Variants in BARD1 observed in about 807,000 individuals in gnomAD.
The protein encoded by BARD1 is BRCA1 associated RING domain 1, also known as BRCA1-associated RING domain protein 1.
In BARD1, 73 loss-of-function variants were observed where a neutral mutation model predicts 77.0. That is an observed-to-expected ratio of 0.95 (90% CI 0.79 to 1.15). BARD1 has a LOEUF of 1.15. Ranked by LOEUF, BARD1 falls within the 50% of genes most tolerant of loss-of-function variation. BARD1 has a pLI of 0.00. For missense variants in BARD1, 993 were observed against 938.8 expected (o/e 1.06, Z -0.75); for synonymous variants, 384 against 338.0 (o/e 1.14, Z -1.49).
At chr2:214,807,351 T>C (rs1378133608) in intron 1 of BARD1, among the ~76,000 whole-genome samples, 1 of 152,186 alleles carries the variant, frequency 6.6e-6, no homozygotes, top group Non-Finnish European at 1.5e-5. Flanking sequence ...AGTTAGAAAC[T>C]GGAAAAATAT....
intron 4 of BARD1, among the ~76,000 whole-genome samples, chr2:214,775,704 C>A (rs1694708631): frequency 6.6e-6 from 1 of 152,124 alleles, no homozygotes; most frequent in Admixed American, 6.6e-5. Flanking sequence ...ATGAGGTATG[C>A]CTGTAATTTA....
In BARD1 at chr2:214,752,537, C is replaced by A; in HGVS notation, c.1587G>T (p.Arg529=). ...SRNAVNIFGL[R]PVDYTDDESM... ...TTTCATCATCTGTATAATCGACAGG[C>A]CGCAGACCAAATATATTACTGGTAA... The change falls in exon 7 of 11, where the codon CGG becomes CGT. Residue 529 remains arginine, a synonymous_variant. Coordinates refer to ENST00000260947, the MANE Select transcript of BARD1 (RefSeq NM_000465.4). 1.2e-6 allele frequency: 2 copies of A among 1,613,500 alleles called. No homozygotes were observed. The highest frequency in any genetic ancestry group is 8.5e-7 in the Non-Finnish European group (1 of 1,179,580).
At chr2:214,733,036 G>C (rs548507607) in intron 9 of BARD1, among the ~76,000 whole-genome samples, 142 of 152,250 alleles carry the variant, frequency 9.3e-4, no homozygotes, top group African/African-American at 3.1e-3. Context: ...AACTTACGAG[G>C]TAGAAAAGAC....
At chr2:214,739,241 C>A (rs1692703134) in intron 9 of BARD1, among the ~76,000 whole-genome samples, 2 of 150,812 alleles carry the variant, frequency 1.3e-5, no homozygotes, top group South Asian at 2.1e-4. Flanking sequence ...TACAAAATAT[C>A]CTAAAAAAAA....
At chr2:214,742,061 T>C (rs1692860842) in intron 9 of BARD1, among the ~76,000 whole-genome samples, 1 of 152,218 alleles carries the variant, frequency 6.6e-6, no homozygotes, top group South Asian at 2.1e-4. Flanking sequence ...AGTTTCCTAA[T>C]AGTTAATCCT....
At chr2:214,751,424 A>C (rs778284747) in intron 7 of BARD1, among the ~76,000 whole-genome samples, 1 of 151,396 alleles carries the variant, frequency 6.6e-6, no homozygotes, top group Non-Finnish European at 1.5e-5. Flanking sequence ...CAGCCTCCCA[A>C]AGTGCTGGGA....
At chr2:214,744,082 G>A (rs1445679463) in intron 9 of BARD1, among the ~76,000 whole-genome samples, 1 of 152,132 alleles carries the variant, frequency 6.6e-6, no homozygotes, top group Admixed American at 6.5e-5. Flanking sequence ...AAGTAGATAT[G>A]TTAACTATTA....
rs557941690 is a variant in BARD1 at position 214,796,042 on chromosome 2, C to T, written c.215+1019G>A. Among the ~76,000 whole-genome samples the T allele has an allele frequency of 1.4e-4, 21 of 152,246 alleles. No individual in the cohort carries two copies. In the South Asian group the frequency reaches 2.1e-3, roughly 15 times the overall value. Reference sequence around the variant, plus strand: ...ATACACAAGGTTATTTTCATATATGCTCAAATTTCCGAATGTATTTGTTCA... The same window carrying T: ...ATACACAAGGTTATTTTCATATATGTTCAAATTTCCGAATGTATTTGTTCA... On this transcript the variant is annotated intron_variant, in intron 2 of 10. Coordinates refer to ENST00000260947, the MANE Select transcript of BARD1 (RefSeq NM_000465.4).
At chr2:214,752,720 A>G (rs1693516688) in intron 6 of BARD1, among the ~76,000 whole-genome samples, 165 bp from the exon 7 acceptor site, 1 of 152,200 alleles carries the variant, frequency 6.6e-6, no homozygotes, top group Non-Finnish European at 1.5e-5. Flanking sequence ...AGGAGAAATG[A>G]TGTAAAATTT....
chr2:214,745,014 A>G, intron 9 of BARD1, 53 bp downstream of exon 9: 1 of 1,498,904 alleles, frequency 6.7e-7, no homozygotes, highest in Non-Finnish European at 9.3e-7. Flanking sequence ...AATAACCATG[A>G]AAAACAAAAC....
At position 214,752,531 on chromosome 2, in the gene BARD1, G is replaced by A. The variant is rs564894014; in HGVS notation, c.1593C>T (p.Val531=). The A allele has an allele frequency of 2.9e-5, 46 of 1,613,476 alleles. No homozygotes were observed. Among genetic ancestry groups the A allele is most frequent in the African/African-American group, 9.3e-5 (7 of 74,940 alleles). The change falls in exon 7 of 11, where the codon GTC becomes GTT. Residue 531 remains valine, a synonymous_variant. Transcript: ENST00000260947. ...TCATACTTTCATCATCTGTATAATC[G>A]ACAGGCCGCAGACCAAATATATTAC... is the stretch of plus-strand genomic sequence containing the variant. ...NAVNIFGLRP[V]DYTDDESMKS... is the part of the protein sequence containing the mutation.
intron 6 of BARD1, among the ~76,000 whole-genome samples, chr2:214,763,164 A>G (rs1277926865): frequency 6.6e-6 from 1 of 152,046 alleles, no homozygotes; most frequent in Admixed American, 6.5e-5. Context: ...TAGCACCCAT[A>G]TCTTATCTTT....
chr2:214,745,770 G>A lies in BARD1; in HGVS notation c.1762C>T (p.Leu588Phe), dbSNP rs559584913. Residue 588 changes from leucine to phenylalanine, a missense_variant, in exon 8 of 11, where the codon CTT becomes TTT. By Grantham distance (22) the Leu-to-Phe change is conservative. Coordinates refer to ENST00000260947, the MANE Select transcript of BARD1 (RefSeq NM_000465.4). ...TTTTTAGCCTTAAGAATTACTGCAA[G>A]CTCACTGAGCATTTTCTGTTGTTCT... ...SSEQQKMLSE[L>F]AVILKAKKYT... The A allele has an allele frequency of 6.2e-7, 1 of 1,613,944 alleles. No individual in the cohort carries two copies. Among genetic ancestry groups the A allele is most frequent in the South Asian group, 1.1e-5 (1 of 91,084 alleles).
chr2:214,756,706 T>C (rs1177389464), intron 6 of BARD1, among the ~76,000 whole-genome samples: 1 of 152,180 alleles, frequency 6.6e-6, no homozygotes, highest in Non-Finnish European at 1.5e-5. Context: ...GAGACTATTA[T>C]TCTAGGTGAC....
chr2:214,742,631 G>A (rs909560029), intron 9 of BARD1, among the ~76,000 whole-genome samples: 3 of 152,092 alleles, frequency 2.0e-5, no homozygotes, highest in African/African-American at 7.2e-5. Flanking sequence ...TATTAAGTTA[G>A]TCCGAGTCCA....
At chr2:214,732,934 G>A (rs1692419054) in intron 9 of BARD1, among the ~76,000 whole-genome samples, 1 of 151,946 alleles carries the variant, frequency 6.6e-6, no homozygotes, top group Non-Finnish European at 1.5e-5. Flanking sequence ...GGTACTTTCT[G>A]AGGGAAAAAA....
In BARD1 at chr2:214,780,781, G is replaced by A. The variant is rs1219606203; in HGVS notation, c.1093C>T (p.Pro365Ser). The A allele has an allele frequency of 6.5e-7, 1 of 1,541,460 alleles. No homozygotes were observed. Among genetic ancestry groups the A allele is most frequent in the South Asian group, 1.3e-5 (1 of 78,620 alleles). Residue 365 changes from proline (P) to serine (S), a missense_variant, in exon 4 of 11, where the codon CCA (proline) becomes TCA (serine). Coordinates refer to ENST00000260947, the MANE Select transcript of BARD1 (RefSeq NM_000465.4). ...CCAACTTTACGTTTGCATGAAGGTG[G>A]TGAAGAACATTCAGGCAATGGTATA... ...ENIPLPECSSPPSCKRKVGGT... is the reference protein window; with the variant it reads ...ENIPLPECSSSPSCKRKVGGT...
At chr2:214,802,316 T>C (rs1333992812) in intron 1 of BARD1, among the ~76,000 whole-genome samples, 8 of 152,188 alleles carry the variant, frequency 5.3e-5, no homozygotes. Context: ...ATAGGCTTTG[T>C]GTTAGATGAT....
intron 9 of BARD1, chr2:214,731,068 T>C (rs559735366): frequency 1.2e-4 from 38 of 304,990 alleles, no homozygotes; most frequent in East Asian, 7.6e-4. Flanking sequence ...GAGCTTGGGA[T>C]AGGTTTGGCA....
Sources: allele counts gnomAD v4.1 joint callset (sites outside exome capture counted in the v4.1 genomes callset), GRCh38; gene constraint gnomAD v4.1.1; transcripts MANE v1.5; gene names NCBI Gene and HGNC (gene_info 2026-07-23, HGNC 2026-07-21).